Variants in SOCS5 observed in about 807,000 individuals in gnomAD.
The protein encoded by SOCS5 is CIS-6.
In SOCS5, 32 loss-of-function variants were observed where a neutral mutation model predicts 42.8. The observed-to-expected ratio is 0.75, with a 90% CI of 0.56 to 1.01. SOCS5 has a LOEUF of 1.01. SOCS5 is among the 50% of genes least tolerant of loss of function. The probability of loss-of-function intolerance (pLI) is 0.00; values close to 1 mark genes in which losing one functional copy is unlikely to be tolerated. For synonymous variants in SOCS5, 283 were observed against 229.6 expected, an observed-to-expected ratio of 1.23 and a Z score of -2.10; for missense variants, 627 against 653.0, an observed-to-expected ratio of 0.96 and a Z score of 0.43.
chr2:46,736,021 C>T (rs1673236977), intron 1 of SOCS5, among the ~76,000 whole-genome samples: 1 of 151,492 alleles, frequency 6.6e-6, no homozygotes, highest in Admixed American at 6.6e-5. Context: ...CTTCCCTCCC[C>T]TTCTGTACCT....
chr2:46,709,012 A>T (rs890602662), intron 1 of SOCS5, among the ~76,000 whole-genome samples: 3 of 149,682 alleles, frequency 2.0e-5, no homozygotes, highest in African/African-American at 4.9e-5. Flanking sequence ...TCAGCCTCCC[A>T]AGTAGCGGGG....
chr2:46,714,966 T>G (rs1672706103), intron 1 of SOCS5, among the ~76,000 whole-genome samples: 1 of 152,214 alleles, frequency 6.6e-6, no homozygotes, highest in African/African-American at 2.4e-5. Context: ...TACCACTTAA[T>G]GTGTAGTTCA....
intron 1 of SOCS5, among the ~76,000 whole-genome samples, chr2:46,757,589 G>C (rs938827642): frequency 6.6e-6 from 1 of 150,930 alleles, no homozygotes; most frequent in South Asian, 2.1e-4. Context: ...TTTCCTGGCC[G>C]GGCATGGTGG....
chr2:46,753,450 C>G (rs1286444933), intron 1 of SOCS5, among the ~76,000 whole-genome samples: 2 of 152,100 alleles, frequency 1.3e-5, no homozygotes, highest in Non-Finnish European at 2.9e-5. Flanking sequence ...GGGATACATA[C>G]CTTAAGTAGT....
chr2:46,719,015 G>C (rs1672819876), intron 1 of SOCS5, among the ~76,000 whole-genome samples: 1 of 152,128 alleles, frequency 6.6e-6, no homozygotes, highest in Non-Finnish European at 1.5e-5. Context: ...TTATAATGTT[G>C]AAAAATTGGA....
intron 1 of SOCS5, among the ~76,000 whole-genome samples, chr2:46,718,947 T>C (rs751561550): frequency 1.4e-4 from 21 of 152,210 alleles, no homozygotes; most frequent in Non-Finnish European, 2.5e-4. Context: ...AGGAATTTAT[T>C]ATAAGGAAAT....
At chr2:46,743,640 A>T (rs572424477) in intron 1 of SOCS5, among the ~76,000 whole-genome samples, 1 of 152,172 alleles carries the variant, frequency 6.6e-6, no homozygotes, top group Non-Finnish European at 1.5e-5. Context: ...CCATTTAGGA[A>T]TACAGCCCAG....
chr2:46,756,849 A>T (rs1447329677), intron 1 of SOCS5, among the ~76,000 whole-genome samples: 1 of 152,188 alleles, frequency 6.6e-6, no homozygotes, highest in Non-Finnish European at 1.5e-5. Flanking sequence ...ATAAATGATA[A>T]CAAGGCACGT....
At chr2:46,716,367 A>ATTTTTTTTTTTTTTTTTTTTTTTTT (rs35187667) in intron 1 of SOCS5, among the ~76,000 whole-genome samples, 31 of 17,044 alleles carry the variant, frequency 1.8e-3, no homozygotes, top group Non-Finnish European at 2.0e-3. Flanking sequence ...GAGTGTCTTC[A>ATTTTTTTTTTTTTTTTTTTTTTTTT]TTTTTTTTTT....
At chr2:46,715,798 T>C (rs1220452566) in intron 1 of SOCS5, among the ~76,000 whole-genome samples, 1 of 152,222 alleles carries the variant, frequency 6.6e-6, no homozygotes. Context: ...TGGAAGTTTA[T>C]TGAGTTTCGT....
At chr2:46,702,388 T>G (rs1672364610) in intron 1 of SOCS5, among the ~76,000 whole-genome samples, 1 of 152,208 alleles carries the variant, frequency 6.6e-6, no homozygotes, top group South Asian at 2.1e-4. Flanking sequence ...TTTAATTAGG[T>G]CTGCATATCA....
intron 1 of SOCS5, among the ~76,000 whole-genome samples, chr2:46,728,350 T>C (rs1335458405): frequency 2.6e-5 from 4 of 152,206 alleles, no homozygotes; most frequent in Non-Finnish European, 5.9e-5. Context: ...TTGGTTTGCA[T>C]TGAAGCAATG....
In SOCS5 at chr2:46,699,724, T is replaced by A. The variant is rs948279436; in HGVS notation, c.-13+275T>A. ...CTCTCGATGCATTTCTGTGGAATTGTTTTTCTGGTTGGAGGAACGTGGGGT... is the reference window on the plus strand; with the variant it reads ...CTCTCGATGCATTTCTGTGGAATTGATTTTCTGGTTGGAGGAACGTGGGGT... On this transcript the variant is annotated intron_variant, in intron 1 of 1. Coordinates refer to ENST00000394861, the MANE Select transcript of SOCS5 (RefSeq NM_144949.3). The surrounding 1 kb of genome is among the most constrained non-coding windows in gnomAD (Gnocchi z 4.8). Among the ~76,000 whole-genome samples the A allele has an allele frequency of 6.6e-6, 1 of 151,872 alleles. No individual in the cohort carries two copies. Among genetic ancestry groups the A allele is most frequent in the East Asian group, 1.9e-4 (1 of 5,176 alleles).
Position 46,761,666 on chromosome 2 carries a change from T to C in SOCS5, c.*1525T>C, listed in dbSNP as rs943939271. The C allele has an allele frequency of 3.0e-5, 5 of 166,912 alleles. No homozygotes were observed. The highest frequency in any genetic ancestry group is 1.2e-4 in the African/African-American group (5 of 41,462). The allele number at this position is 166,912 out of a possible 1,614,324, so 10.3% of individuals were successfully genotyped here. A position where few individuals can be genotyped will look rare whatever the true frequency, so the allele number is the denominator to read the frequency against. On this transcript the variant is annotated 3_prime_UTR_variant, in exon 2 of 2. Transcript: ENST00000394861. ...AATTTCTCTTGTAAATGGAATGGTT[T>C]GGGGTTTTTAAATAAGCATTAACTA...
intron 1 of SOCS5, among the ~76,000 whole-genome samples, chr2:46,746,936 T>TTTTTTTTG: frequency 6.8e-6 from 1 of 147,258 alleles, no homozygotes; most frequent in Non-Finnish European, 1.5e-5. Flanking sequence ...TTTTTTTTTT[T>TTTTTTTTG]TTTTTTTGCC....
rs1672749749 is a variant in SOCS5 at position 46,716,573 on chromosome 2, G to A, written c.-13+17124G>A. On this transcript the variant is annotated intron_variant, in intron 1 of 1. Coordinates refer to ENST00000394861, the MANE Select transcript of SOCS5 (RefSeq NM_144949.3). ...GCGCACTGCAGCCTTGAATTCCTGG[G>A]CTCAAGACATCCTCCTGCTTTAGCT... Among the ~76,000 whole-genome samples, 4 of 151,942 alleles carry A rather than the reference G, an allele frequency of 2.6e-5. 1 individual carries two copies. In the South Asian group the frequency reaches 8.3e-4, roughly 32 times the overall value.
At chr2:46,706,311 C>G (rs1221536911) in intron 1 of SOCS5, among the ~76,000 whole-genome samples, 1 of 152,172 alleles carries the variant, frequency 6.6e-6, no homozygotes, top group Non-Finnish European at 1.5e-5. Flanking sequence ...GACTAATGTG[C>G]TAGTCTTTTG....
intron 1 of SOCS5, among the ~76,000 whole-genome samples, chr2:46,757,211 A>T (rs1673750055): frequency 6.6e-6 from 1 of 152,348 alleles, no homozygotes; most frequent in East Asian, 1.9e-4. Context: ...TAACTTCTTG[A>T]AAATATAAGC....
Position 46,758,541 on chromosome 2 carries a change from T to C in SOCS5, c.11T>C (p.Val4Ala). Residue 4 changes from valine (V) to alanine (A), a missense_variant, in exon 2 of 2, where the codon GTG becomes GCG. By Grantham distance (64) the Val-to-Ala change is moderately conservative. Coordinates refer to ENST00000394861, the MANE Select transcript of SOCS5 (RefSeq NM_144949.3). ...TAGATTTTATAATCAATGGATAAAGTGGGAAAAATGTGGAATAACTTCAAA... is the reference window on the plus strand; with the variant it reads ...TAGATTTTATAATCAATGGATAAAGCGGGAAAAATGTGGAATAACTTCAAA... MDK[V>A]GKMWNNFKYR... The C allele has an allele frequency of 6.3e-7, 1 of 1,585,946 alleles. No homozygotes were observed. The highest frequency in any genetic ancestry group is 8.5e-7 in the Non-Finnish European group (1 of 1,169,898).
Sources: gnomAD v4.1 joint callset for allele counts (sites outside exome capture counted in the v4.1 genomes callset) on GRCh38, gnomAD v4.1.1 for gene constraint, Gnocchi (gnomAD v3.1) non-coding constraint, MANE v1.5 for transcripts, NCBI Gene and HGNC (gene_info 2026-07-23, HGNC 2026-07-21) for gene names.